The following PRR16 variants were observed in gnomAD, a reference collection of about 807,000 sequenced individuals.
PRR16 encodes proline rich 16, also known as protein Largen.
PRR16 carries 6 observed loss-of-function variants against 18.2 expected under a neutral mutation model. The ratio of observed to expected loss-of-function variants is 0.33; its 90% CI spans 0.18 to 0.65. The LOEUF (loss-of-function observed/expected upper bound fraction) is 0.65. Ranked by LOEUF, PRR16 falls within the 30% of genes least tolerant of loss-of-function variation. The pLI, the probability that PRR16 is intolerant of heterozygous loss-of-function variation, is 0.74. For synonymous variants in PRR16, 151 were observed against 147.8 expected (o/e 1.02, Z -0.16); for missense variants, 412 against 376.6 (o/e 1.09, Z -0.78).
At chr5:120,641,050 G>C (rs2112856736) in intron 1 of PRR16, among the ~76,000 whole-genome samples, 1 of 152,240 alleles carries the variant, frequency 6.6e-6, no homozygotes, top group East Asian at 1.9e-4. Context: ...GTATGGGTGG[G>C]GAGAGGAGAG....
intron 1 of PRR16, among the ~76,000 whole-genome samples, chr5:120,631,914 T>C (rs528168653): frequency 6.6e-6 from 1 of 152,266 alleles, no homozygotes; most frequent in South Asian, 2.1e-4. Context: ...ACCTCCTGGC[T>C]GGAGGCCAAC....
the PRR16 span, among the ~76,000 whole-genome samples, chr5:120,738,302 T>C: frequency 6.6e-6 from 1 of 152,062 alleles, no homozygotes; most frequent in Non-Finnish European, 1.5e-5. Context: ...AAGTTAAATA[T>C]TTCATTAAGT....
the PRR16 span, among the ~76,000 whole-genome samples, chr5:120,764,807 ATAAT>A: frequency 2.6e-5 from 4 of 152,248 alleles, no homozygotes; most frequent in South Asian, 2.1e-4. Context: ...AGAAAATTAG[ATAAT>A]TAATAATTAG....
At chr5:120,677,577 A>G (rs927817582) in intron 1 of PRR16, among the ~76,000 whole-genome samples, 2 of 152,234 alleles carry the variant, frequency 1.3e-5, no homozygotes, top group East Asian at 1.9e-4. Context: ...TTCTAAGTCA[A>G]TCTTAAAGAT....
chr5:120,774,222 T>G, the PRR16 span, among the ~76,000 whole-genome samples: 1 of 152,152 alleles, frequency 6.6e-6, no homozygotes, highest in Non-Finnish European at 1.5e-5. Context: ...GTACGATTCT[T>G]AGCTACCTAT....
intron 1 of PRR16, among the ~76,000 whole-genome samples, chr5:120,505,940 GTGTGTGTATA>G (rs1177922785): frequency 7.5e-6 from 1 of 132,904 alleles, no homozygotes; most frequent in African/African-American, 2.9e-5. Flanking sequence ...GTGTATGTGT[GTGTGTGTATA>G]TATATATATA....
intron 1 of PRR16, among the ~76,000 whole-genome samples, chr5:120,473,378 G>A (rs932374985): frequency 6.6e-6 from 1 of 152,076 alleles, no homozygotes; most frequent in Non-Finnish European, 1.5e-5. Context: ...GTATAGAAGG[G>A]TGAGAGCACA....
chr5:120,765,476 A>C, the PRR16 span, among the ~76,000 whole-genome samples: 1 of 152,074 alleles, frequency 6.6e-6, no homozygotes, highest in Non-Finnish European at 1.5e-5. Flanking sequence ...GGTAGTTTTT[A>C]GAGTTTTCAA....
At chr5:120,485,277 G>A (rs1749757597) in intron 1 of PRR16, among the ~76,000 whole-genome samples, 1 of 152,110 alleles carries the variant, frequency 6.6e-6, no homozygotes, top group Admixed American at 6.6e-5. Context: ...AAATAATTGT[G>A]AAATGCTTTT....
chr5:120,543,005 G>A (rs957276302), intron 1 of PRR16, among the ~76,000 whole-genome samples: 2 of 152,160 alleles, frequency 1.3e-5, no homozygotes, highest in African/African-American at 4.8e-5. Context: ...GAATAGGTAA[G>A]AATAGAGCCT....
chr5:120,607,454 T>C (rs1251164191), intron 1 of PRR16, among the ~76,000 whole-genome samples: 1 of 152,208 alleles, frequency 6.6e-6, no homozygotes, highest in African/African-American at 2.4e-5. Flanking sequence ...TATTTTACTA[T>C]ATAAAGAAGA....
chr5:120,695,606 G>A, the PRR16 span, among the ~76,000 whole-genome samples: 2 of 151,796 alleles, frequency 1.3e-5, no homozygotes, highest in Admixed American at 1.3e-4. Flanking sequence ...CTTTCCTCTC[G>A]CCATTTCATC....
the PRR16 span, among the ~76,000 whole-genome samples, chr5:120,760,108 A>G: frequency 0.15 from 22,385 of 152,058 alleles, 2,419 homozygotes; most frequent in African/African-American, 0.31. Context: ...GTTAATTTTG[A>G]TATTACTACA....
At chr5:120,715,236 C>G in the PRR16 span, among the ~76,000 whole-genome samples, 2 of 151,998 alleles carry the variant, frequency 1.3e-5, no homozygotes, top group South Asian at 2.1e-4. Context: ...TATTTACAGA[C>G]AGTATAAAAA....
At chr5:120,770,979 C>G in the PRR16 span, among the ~76,000 whole-genome samples, 1 of 150,314 alleles carries the variant, frequency 6.7e-6, no homozygotes, top group Non-Finnish European at 1.5e-5. Context: ...CACCTTGCAT[C>G]TTTTCTATTT....
At chr5:120,612,501 T>C (rs2112807776) in intron 1 of PRR16, among the ~76,000 whole-genome samples, 1 of 152,278 alleles carries the variant, frequency 6.6e-6, no homozygotes, top group Non-Finnish European at 1.5e-5. Flanking sequence ...TCCCATGCTA[T>C]TCTCGTGACG....
intron 1 of PRR16, among the ~76,000 whole-genome samples, chr5:120,610,194 G>C (rs918465910): frequency 6.6e-6 from 1 of 151,764 alleles, no homozygotes; most frequent in Non-Finnish European, 1.5e-5. Flanking sequence ...AGAAATAACT[G>C]GTCCAAAATT....
chr5:120,703,355 G>C, the PRR16 span, among the ~76,000 whole-genome samples: 1 of 152,206 alleles, frequency 6.6e-6, no homozygotes, highest in African/African-American at 2.4e-5. Flanking sequence ...CCATCTGGGC[G>C]TATACGTGCA....
chr5:120,487,451 C>T (rs1404703385), intron 1 of PRR16, among the ~76,000 whole-genome samples: 1 of 152,086 alleles, frequency 6.6e-6, no homozygotes, highest in African/African-American at 2.4e-5. Flanking sequence ...CTCTGTTTGT[C>T]TGTTATTGGT....
Sources: gnomAD v4.1 joint callset for allele counts (sites outside exome capture counted in the v4.1 genomes callset) on GRCh38, gnomAD v4.1.1 for gene constraint, MANE v1.5 for transcripts, NCBI Gene and HGNC (gene_info 2026-07-23, HGNC 2026-07-21) for gene names.